Variants in JARID2 observed in about 807,000 individuals in gnomAD.
The protein encoded by JARID2 is jumonji and AT-rich interaction domain containing 2, also known as protein Jumonji.
Under a neutral mutation model 125.6 loss-of-function variants are expected in JARID2, and 21 were observed. That is an observed-to-expected ratio of 0.17 (90% confidence interval 0.12 to 0.24). The LOEUF (loss-of-function observed/expected upper bound fraction) is 0.24, where lower values mean the gene tolerates loss of function less well. Ranked by LOEUF, JARID2 falls within the 10% of genes least tolerant of loss-of-function variation. The pLI is 1.00. For synonymous variants in JARID2, 736 were observed against 661.6 expected, an observed-to-expected ratio of 1.11 and a Z score of -1.73; for missense variants, 1,303 against 1,639.6, an observed-to-expected ratio of 0.79 and a Z score of 3.55.
At chr6:15,395,223 CAG>C (rs1765173645) in intron 2 of JARID2, among the ~76,000 whole-genome samples, 1 of 152,034 alleles carries the variant, frequency 6.6e-6, no homozygotes, top group South Asian at 2.1e-4. Context: ...CTACTTTTGT[CAG>C]AGTCAGAAAT....
chr6:15,325,882 C>G (rs562611661), intron 1 of JARID2, among the ~76,000 whole-genome samples: 1 of 152,120 alleles, frequency 6.6e-6, no homozygotes, highest in Non-Finnish European at 1.5e-5. Context: ...TGTTGACTCC[C>G]GTTAAGCCAG....
In JARID2 at chr6:15,511,366, A is replaced by G; in HGVS notation, c.2917A>G (p.Thr973Ala). The G allele has an allele frequency of 6.2e-7, 1 of 1,613,812 alleles. No individual in the cohort carries two copies. Among genetic ancestry groups the G allele is most frequent in the South Asian group, 1.1e-5 (1 of 91,074 alleles). ...CCACACCCTGCTGCAAGCCAATGGC[A>G]CCCCAGGGCTGCAGATGCTGGAAAG... ...VVHTLLQANG[T>A]PGLQMLESNV... Residue 973 changes from threonine (T) to alanine (A), a missense_variant, in exon 13 of 18, where the codon ACC (threonine) becomes GCC (alanine). Coordinates refer to ENST00000341776, the MANE Select transcript of JARID2 (RefSeq NM_004973.4).
At chr6:15,335,930 CAA>C (rs915846928) in intron 1 of JARID2, among the ~76,000 whole-genome samples, 38 of 152,086 alleles carry the variant, frequency 2.5e-4, no homozygotes, top group African/African-American at 8.0e-4. Flanking sequence ...ACACAACACA[CAA>C]AAAAATAGCC....
chr6:15,404,519 G>GCACACACACACACACA (rs3138770), intron 2 of JARID2, among the ~76,000 whole-genome samples: 1 of 138,270 alleles, frequency 7.2e-6, no homozygotes, highest in African/African-American at 2.8e-5. Flanking sequence ...ATCTTAAAGT[G>GCACACACACACACACA]CACACACACA....
intron 1 of JARID2, among the ~76,000 whole-genome samples, chr6:15,326,690 A>ATGGC: frequency 6.6e-6 from 1 of 152,178 alleles, no homozygotes; most frequent in Non-Finnish European, 1.5e-5. Flanking sequence ...TAGTAGAGAC[A>ATGGC]TGGTTTCACC....
intron 9 of JARID2, 68 bp downstream of exon 9, chr6:15,504,660 C>A: frequency 9.3e-6 from 9 of 972,668 alleles, no homozygotes; most frequent in South Asian, 2.6e-5. Flanking sequence ...GGAGGACATC[C>A]TGTCCTGCCC....
intron 2 of JARID2, among the ~76,000 whole-genome samples, chr6:15,395,899 G>C (rs186947940): frequency 6.6e-6 from 1 of 152,146 alleles, no homozygotes; most frequent in African/African-American, 2.4e-5. Context: ...TCCTGACCTT[G>C]TGACCTGCCC....
chr6:15,446,904 G>A (rs564177472), intron 3 of JARID2, among the ~76,000 whole-genome samples: 3 of 152,280 alleles, frequency 2.0e-5, no homozygotes, highest in African/African-American at 4.8e-5. Context: ...CCATAGGTTC[G>A]TCTGCTGCTC....
At chr6:15,402,082 C>A (rs904202924) in intron 2 of JARID2, among the ~76,000 whole-genome samples, 1 of 152,084 alleles carries the variant, frequency 6.6e-6, no homozygotes. Context: ...CCAAGAGATT[C>A]CTTTTATCCT....
At chr6:15,469,137 T>A (rs1768893749) in intron 5 of JARID2, among the ~76,000 whole-genome samples, 1 of 151,814 alleles carries the variant, frequency 6.6e-6, no homozygotes, top group South Asian at 2.1e-4. Flanking sequence ...AGTGGACTGA[T>A]TTTCCCCTTG....
At chr6:15,399,703 G>T (rs1436285803) in intron 2 of JARID2, among the ~76,000 whole-genome samples, 3 of 152,200 alleles carry the variant, frequency 2.0e-5, no homozygotes, top group Admixed American at 2.0e-4. Context: ...ATAAGTTACT[G>T]TGTGTGAAGT....
chr6:15,505,911 G>A (rs1430520693), intron 9 of JARID2, among the ~76,000 whole-genome samples: 1 of 152,252 alleles, frequency 6.6e-6, no homozygotes, highest in Non-Finnish European at 1.5e-5. Context: ...GGGGCTGAGC[G>A]TTGGACCTGG....
At chr6:15,262,553 GA>G (rs1759922905) in intron 1 of JARID2, among the ~76,000 whole-genome samples, 4 of 41,914 alleles carry the variant, frequency 9.5e-5, no homozygotes, top group Non-Finnish European at 1.9e-4. Flanking sequence ...TTTTTTTTTT[GA>G]GATGGAGTCT....
rs79120997 is a variant in JARID2 at position 15,315,877 on chromosome 6, T to A, written c.46-58240T>A. Among the ~76,000 whole-genome samples the A allele has an allele frequency of 7.2e-4, 110 of 152,310 alleles. 1 individual carries two copies. In the East Asian group the frequency reaches 0.018, roughly 25 times the overall value. On this transcript the variant is annotated intron_variant, in intron 1 of 17. Transcript: ENST00000341776. ...TCATTAGTGATTTCAGACATGAGTT[T>A]CTCAGGGCTCCCAAATTTATGGAAG...
At chr6:15,275,829 G>A (rs1760482755) in intron 1 of JARID2, among the ~76,000 whole-genome samples, 1 of 152,048 alleles carries the variant, frequency 6.6e-6, no homozygotes, top group South Asian at 2.1e-4. Flanking sequence ...CACTGCTACA[G>A]GGAAGGTACT....
At chr6:15,374,867 C>T (rs1581472554) in intron 2 of JARID2, among the ~76,000 whole-genome samples, 1 of 152,332 alleles carries the variant, frequency 6.6e-6, no homozygotes. Context: ...TATCTGAGGA[C>T]AAACATTTGC....
chr6:15,393,191 A>G (rs1765090891), intron 2 of JARID2, among the ~76,000 whole-genome samples: 1 of 121,048 alleles, frequency 8.3e-6, no homozygotes, highest in African/African-American at 3.1e-5. Context: ...TATGTAGACA[A>G]TTCTGACAAA....
Position 15,521,883 on chromosome 6 carries a change from TAC to T in JARID2, c.*1634_*1635del, listed in dbSNP as rs1771875662. 1 of 152,258 alleles carries T rather than the reference TAC, an allele frequency of 6.6e-6. No homozygotes were observed. The highest frequency in any genetic ancestry group is 1.5e-5 in the Non-Finnish European group (1 of 68,042). The allele number at this position is 152,258 out of a possible 1,614,324, so 9.4% of individuals were successfully genotyped here. A position where few individuals can be genotyped will look rare whatever the true frequency, so the allele number is the denominator to read the frequency against. The stretch of plus-strand genomic sequence containing the variant: ...TGACAGTAAACTTCTGCCTATGGCT[TAC>T]AGTTTGACATTTAATTTATTAGCGC... On this transcript the variant is annotated 3_prime_UTR_variant, in exon 18 of 18. Transcript: ENST00000341776.
intron 1 of JARID2, among the ~76,000 whole-genome samples, chr6:15,277,090 G>A (rs1760553752): frequency 6.6e-6 from 1 of 152,152 alleles, no homozygotes; most frequent in Admixed American, 6.5e-5. Flanking sequence ...TAACTACCAT[G>A]TTTTGAGTGC....
Sources: gnomAD v4.1 joint callset for allele counts (sites outside exome capture counted in the v4.1 genomes callset) on GRCh38, gnomAD v4.1.1 for gene constraint, MANE v1.5 for transcripts, NCBI Gene and HGNC (gene_info 2026-07-23, HGNC 2026-07-21) for gene names.